PRRT4: variants seen among roughly 807,000 people sequenced by gnomAD.
The protein encoded by PRRT4 is proline rich transmembrane protein 4, also known as proline-rich transmembrane protein 4.
A neutral mutation model predicts 55.6 loss-of-function variants in PRRT4; 59 were observed. The ratio of observed to expected loss-of-function variants is 1.06; its 90% CI spans 0.86 to 1.32. The LOEUF (loss-of-function observed/expected upper bound fraction) is 1.32, where lower values mean the gene tolerates loss of function less well. Ranked by LOEUF, PRRT4 falls within the 40% of genes most tolerant of loss-of-function variation. The pLI, the probability that PRRT4 is intolerant of heterozygous loss-of-function variation, is 0.00. For synonymous variants in PRRT4, 606 were observed against 601.8 expected (o/e 1.01, Z -0.10); for missense variants, 1,217 against 1,222.0 (o/e 1.00, Z 0.06).
At chr7:128,351,564 C>A in exon 5 of PRRT4, 1 of 1,498,188 alleles carries the variant, frequency 6.7e-7, no homozygotes, top group Non-Finnish European at 8.8e-7. Context: ...CGATGGCGCT[C>A]CCCAGGGGCT....
chr7:128,353,347 C>T (rs998459910), intron 4 of PRRT4, among the ~76,000 whole-genome samples: 1 of 152,082 alleles, frequency 6.6e-6, no homozygotes, highest in African/African-American at 2.4e-5. Context: ...ACCCCTGACT[C>T]CCAACCCCCA....
At chr7:128,354,148 G>T (rs1797060744) in intron 4 of PRRT4, among the ~76,000 whole-genome samples, 1 of 152,180 alleles carries the variant, frequency 6.6e-6, no homozygotes, top group Admixed American at 6.5e-5. Flanking sequence ...AGAGGAGGGT[G>T]CCTGATAATC....
At chr7:128,357,009 G>T (rs1468130410) in intron 4 of PRRT4, among the ~76,000 whole-genome samples, 1 of 152,200 alleles carries the variant, frequency 6.6e-6, no homozygotes, top group Non-Finnish European at 1.5e-5. Context: ...GGTGGGCACT[G>T]ATTCACTGGT....
At position 128,360,067 on chromosome 7, in the gene PRRT4, G is replaced by A. The variant is rs1797212357; in HGVS notation, c.-72-4C>T. 29 of 1,184,932 alleles carry A rather than the reference G, an allele frequency of 2.4e-5. No homozygotes were observed. In the South Asian group the frequency reaches 5.5e-4, roughly 23 times the overall value. 73.4% of individuals were successfully genotyped at this position (1,184,932 alleles called of 1,614,324 possible). ...GCAGCTTTTGAGGAGGAAGGTCCTG[G>A]AGAGAGGAGAGGCCCTGTGAGCCCT... On this transcript the variant is annotated splice_polypyrimidine_tract_variant and splice_region_variant and intron_variant, in intron 1 of 4. Transcript: ENST00000535159.
At chr7:128,359,418 G>T in exon 2 of PRRT4, 2 of 1,465,702 alleles carry the variant, frequency 1.4e-6, no homozygotes, top group Non-Finnish European at 1.8e-6. Context: ...CGATGCCCAA[G>T]CGTGGGGGCT....
exon 5 of PRRT4, chr7:128,352,521 G>T (rs1185035671): frequency 5.2e-6 from 8 of 1,543,572 alleles, no homozygotes; most frequent in Non-Finnish European, 7.0e-6. Flanking sequence ...CCAGGGTCAG[G>T]AAAAAGAGGG....
At chr7:128,351,524 A>C in exon 5 of PRRT4, 1 of 1,489,468 alleles carries the variant, frequency 6.7e-7, no homozygotes, top group Non-Finnish European at 8.9e-7. Flanking sequence ...GCCAGCGCGC[A>C]CAGCTGCAGC....
chr7:128,357,739 T>C (rs952424648), intron 4 of PRRT4, among the ~76,000 whole-genome samples: 18 of 152,220 alleles, frequency 1.2e-4, no homozygotes, highest in Non-Finnish European at 1.5e-5. Context: ...ACAGCCACAG[T>C]AAACCTTTTG....
chr7:128,350,974 T>A lies in PRRT4; in HGVS notation c.2582A>T (p.Asp861Val), dbSNP rs1259314799. 3.2e-5 allele frequency: 49 copies of A among 1,548,068 alleles called. No individual in the cohort carries two copies. Among genetic ancestry groups the A allele is most frequent in the Middle Eastern group, 1.7e-4 (1 of 5,994 alleles). ...CAGCTCAGAAGCAGGCTCTGGGGAG[T>A]CGCGAGAGGGTGGGGACAGGGCCTG... Residue 861 changes from aspartate to valine, a missense_variant, in exon 5 of 5, where the codon GAC becomes GTC. Transcript: ENST00000535159.
At chr7:128,355,428 C>T (rs7457113) in intron 4 of PRRT4, among the ~76,000 whole-genome samples, 8,153 of 152,214 alleles carry the variant, frequency 0.054, 314 homozygotes, top group Non-Finnish European at 0.082. Context: ...GAACTCCTGA[C>T]CTTGTGATCC....
At position 128,352,553 on chromosome 7, in the gene PRRT4, G is replaced by A; in HGVS notation, c.1003C>T (p.Gln335Ter). 6.5e-7 allele frequency: 1 copy of A among 1,544,672 alleles called. No individual in the cohort carries two copies. The highest frequency in any genetic ancestry group is 8.7e-7 in the Non-Finnish European group (1 of 1,146,926). Reference sequence around the variant, plus strand: ...AGGGGCCTCGGCGCCTCGGGAGGCTGCCCCTCGCGTTCAGGCAATTCTCCC... The same window carrying A: ...AGGGGCCTCGGCGCCTCGGGAGGCTACCCCTCGCGTTCAGGCAATTCTCCC... The change falls in exon 5 of 5, where the codon CAG becomes TAG. Residue 335 changes from glutamine to a stop codon, truncating the protein, a stop_gained. Transcript: ENST00000535159. LOFTEE classifies it high-confidence loss of function.
exon 5 of PRRT4, chr7:128,352,345 A>G: frequency 6.5e-7 from 1 of 1,540,374 alleles, no homozygotes. Flanking sequence ...CAGCAGCAGC[A>G]GGTCCAGCAG....
At chr7:128,355,475 C>T (rs558784215) in intron 4 of PRRT4, among the ~76,000 whole-genome samples, 2 of 152,310 alleles carry the variant, frequency 1.3e-5, no homozygotes, top group East Asian at 1.9e-4. Context: ...GGATTACAGG[C>T]GTGAGCCACC....
chr7:128,361,103 TCACACACACA>T (rs71160634), intron 1 of PRRT4, among the ~76,000 whole-genome samples, 193 bp downstream of exon 2: 3 of 77,510 alleles, frequency 3.9e-5, no homozygotes, highest in African/African-American at 5.7e-5. Context: ...TCTCTCTCTC[TCACACACACA>T]CACACACACA....
chr7:128,352,067 C>A, exon 5 of PRRT4: 1 of 1,202,374 alleles, frequency 8.3e-7, no homozygotes, highest in Non-Finnish European at 1.0e-6. Context: ...CCGCGCGAGG[C>A]GAGCCGCAGG....
intron 4 of PRRT4, among the ~76,000 whole-genome samples, chr7:128,356,997 G>A (rs990428636): frequency 1.3e-5 from 2 of 152,208 alleles, no homozygotes; most frequent in African/African-American, 2.4e-5. Context: ...TGGACTAAGC[G>A]AGGTGGGCAC....
intron 4 of PRRT4, among the ~76,000 whole-genome samples, chr7:128,354,576 C>G (rs1473510985): frequency 1.4e-5 from 2 of 147,542 alleles, no homozygotes; most frequent in African/African-American, 5.3e-5. Flanking sequence ...AAAAAACACA[C>G]ACACACACAC....
At chr7:128,359,682 C>T in exon 2 of PRRT4, 1 of 1,551,358 alleles carries the variant, frequency 6.4e-7, no homozygotes, top group Non-Finnish European at 8.7e-7. Flanking sequence ...CCTGAGGAGC[C>T]CACCAGCAAT....
In PRRT4 at chr7:128,358,183, C is replaced by T. The variant is rs149135237; in HGVS notation, c.877+498G>A. ...CTCGTACCACCAGCTTGTCCGTGTGCATGTTCTGAAAGGCTTTCTTGAACG... is the reference window on the plus strand; with the variant it reads ...CTCGTACCACCAGCTTGTCCGTGTGTATGTTCTGAAAGGCTTTCTTGAACG... On this transcript the variant is annotated intron_variant, in intron 4 of 4. Coordinates refer to ENST00000535159, the Ensembl canonical transcript of PRRT4. The surrounding 1 kb of genome is among the most constrained non-coding windows in gnomAD (Gnocchi z 4.4). Among the ~76,000 whole-genome samples, 2 of 152,324 alleles carry T rather than the reference C, an allele frequency of 1.3e-5. No homozygotes were observed. Among genetic ancestry groups the T allele is most frequent in the Admixed American group, 1.3e-4 (2 of 15,298 alleles).
Sources: allele counts gnomAD v4.1 joint callset (sites outside exome capture counted in the v4.1 genomes callset), GRCh38; gene constraint gnomAD v4.1.1; non-coding constraint Gnocchi (gnomAD v3.1); transcripts MANE v1.5; gene names NCBI Gene and HGNC (gene_info 2026-07-23, HGNC 2026-07-21).